Variants in BLTP1 observed in about 807,000 individuals in gnomAD.
BLTP1 encodes the protein fragile site-associated protein.
chr4:122,156,029 T>G, the BLTP1 span: 3 of 938,880 alleles, frequency 3.2e-6, no homozygotes, highest in Non-Finnish European at 3.8e-6. Context: ...ATGAATTCTC[T>G]GGCTTGGGAA....
chr4:122,185,052 A>T, the BLTP1 span: 1 of 985,262 alleles, frequency 1.0e-6, no homozygotes. Flanking sequence ...AGAAGACTAA[A>T]TACTAGTGAA....
the BLTP1 span, chr4:122,239,804 T>C: frequency 6.2e-7 from 1 of 1,614,170 alleles, no homozygotes; most frequent in Non-Finnish European, 8.5e-7. Flanking sequence ...CAGACTCTAA[T>C]TCATTTCATC....
chr4:122,281,757 G>A, the BLTP1 span: 5 of 1,548,008 alleles, frequency 3.2e-6, no homozygotes, highest in South Asian at 2.6e-5. Context: ...GGAAGAATGA[G>A]AAGTCATGGA....
At chr4:122,184,700 G>C in the BLTP1 span, 14 of 985,246 alleles carry the variant, frequency 1.4e-5, no homozygotes, top group Non-Finnish European at 1.7e-5. Flanking sequence ...AGGTAAAAAT[G>C]CTGGTTTAAC....
At chr4:122,320,219 G>T in the BLTP1 span, among the ~76,000 whole-genome samples, 3 of 152,214 alleles carry the variant, frequency 2.0e-5, no homozygotes, top group East Asian at 5.8e-4. Context: ...TGCAATCATA[G>T]CTCATTACAA....
the BLTP1 span, chr4:122,305,229 T>A: frequency 1.0e-6 from 1 of 980,822 alleles, no homozygotes; most frequent in Non-Finnish European, 1.2e-6. Flanking sequence ...CGTAATCATT[T>A]GCTTGTAATT....
the BLTP1 span, chr4:122,313,746 CAAG>C: frequency 3.9e-6 from 4 of 1,023,442 alleles, no homozygotes; most frequent in South Asian, 1.7e-5. Flanking sequence ...ATTTTAATGG[CAAG>C]AGAATCTTTT....
At chr4:122,277,318 GCAA>G in the BLTP1 span, among the ~76,000 whole-genome samples, 4 of 152,110 alleles carry the variant, frequency 2.6e-5, no homozygotes, top group Non-Finnish European at 4.4e-5. Context: ...TCCAGCCTGG[GCAA>G]CAACGAGACC....
At chr4:122,327,944 C>T in the BLTP1 span, 2 of 454,362 alleles carry the variant, frequency 4.4e-6, no homozygotes, top group African/African-American at 2.1e-5. Flanking sequence ...TGCTTCCTTC[C>T]TTGGTGTACT....
the BLTP1 span, chr4:122,325,087 C>A: frequency 1.3e-6 from 1 of 770,606 alleles, no homozygotes; most frequent in Non-Finnish European, 1.9e-6. Context: ...TTATGGGATG[C>A]TAAAGGTTAA....
chr4:122,226,927 A>G, the BLTP1 span: 2 of 903,208 alleles, frequency 2.2e-6, no homozygotes, highest in East Asian at 6.4e-5. Context: ...AAATACACAT[A>G]GCCATGCAGC....
At chr4:122,326,567 T>G in the BLTP1 span, among the ~76,000 whole-genome samples, 1 of 151,708 alleles carries the variant, frequency 6.6e-6, no homozygotes, top group Admixed American at 6.6e-5. Flanking sequence ...GTTCTTTTTT[T>G]ATGAAGAAAA....
chr4:122,245,089 T>A, the BLTP1 span: 20 of 1,611,804 alleles, frequency 1.2e-5, no homozygotes, highest in Non-Finnish European at 1.5e-5. Flanking sequence ...ATCTTCATGC[T>A]AAAGTCCTCA....
chr4:122,327,154 G>A, the BLTP1 span, among the ~76,000 whole-genome samples: 1 of 146,738 alleles, frequency 6.8e-6, no homozygotes, highest in East Asian at 2.1e-4. Flanking sequence ...AAATGCAGTG[G>A]CCTCCTGGTG....
At chr4:122,169,078 G>T in the BLTP1 span, among the ~76,000 whole-genome samples, 586 of 152,270 alleles carry the variant, frequency 3.8e-3, 3 homozygotes, top group Non-Finnish European at 6.4e-3. Context: ...GCCCTGAGTA[G>T]CTAGGACTAC....
chr4:122,360,227 T>C, the BLTP1 span, among the ~76,000 whole-genome samples: 2 of 152,326 alleles, frequency 1.3e-5, no homozygotes, highest in East Asian at 3.9e-4. Context: ...GCCTAATATC[T>C]CAAATTTAAC....
At chr4:122,358,535 A>G in the BLTP1 span, among the ~76,000 whole-genome samples, 1 of 152,202 alleles carries the variant, frequency 6.6e-6, no homozygotes, top group Non-Finnish European at 1.5e-5. Flanking sequence ...ATGTCAGACT[A>G]TACCAGAATC....
At chr4:122,187,879 A>G in the BLTP1 span, 19 of 1,312,472 alleles carry the variant, frequency 1.4e-5, no homozygotes, top group African/African-American at 1.1e-4. Context: ...TTATCTGTTT[A>G]TTTTTTTTTT....
At chr4:122,205,251 C>CT in the BLTP1 span, among the ~76,000 whole-genome samples, 4 of 151,898 alleles carry the variant, frequency 2.6e-5, no homozygotes, top group East Asian at 5.8e-4. Flanking sequence ...CTTAGGATAT[C>CT]TTTAATAATA....
Sources: allele counts gnomAD v4.1 joint callset (sites outside exome capture counted in the v4.1 genomes callset), GRCh38; gene constraint gnomAD v4.1.1; transcripts MANE v1.5; gene names NCBI Gene and HGNC (gene_info 2026-07-23, HGNC 2026-07-21).